The following SEPTIN2 variants were observed in gnomAD, a reference collection of about 807,000 sequenced individuals.
SEPTIN2 encodes the protein septin-2.
Under a neutral mutation model 46.5 loss-of-function variants are expected in SEPTIN2, and 34 were observed. That is an observed-to-expected ratio of 0.73 (90% confidence interval 0.56 to 0.97). The LOEUF is 0.97. Among genes scored for constraint, SEPTIN2 ranks in the 50% least tolerant of loss-of-function variants. The pLI is 0.00. For missense variants in SEPTIN2, 347 were observed against 448.4 expected, an observed-to-expected ratio of 0.77 and a Z score of 2.04; for synonymous variants, 175 against 153.4, an observed-to-expected ratio of 1.14 and a Z score of -1.04.
chr2:241,338,972 T>TATATTTATA (rs2080838050), intron 7 of SEPTIN2, among the ~76,000 whole-genome samples: 4 of 107,982 alleles, frequency 3.7e-5, no homozygotes, highest in East Asian at 2.4e-4. Context: ...ATTATAAATA[T>TATATTTATA]AATATATAAA....
At chr2:241,337,867 A>ACGCTCAGTCTGCTCAGGTGT (rs1439085915) in intron 7 of SEPTIN2, 77 bp downstream of exon 7, 38 of 997,764 alleles carry the variant, frequency 3.8e-5, no homozygotes, top group Admixed American at 1.4e-4. Context: ...GTGTGTTCCC[A>ACGCTCAGTCTGCTCAGGTGT]CGCTCAGTCT....
At chr2:241,329,473 C>G (rs2078615617) in intron 3 of SEPTIN2, among the ~76,000 whole-genome samples, 1 of 152,166 alleles carries the variant, frequency 6.6e-6, no homozygotes. Flanking sequence ...TTTTATTAAG[C>G]CAGCATTATC....
intron 3 of SEPTIN2, among the ~76,000 whole-genome samples, chr2:241,331,656 A>C (rs1390081841): frequency 6.6e-6 from 1 of 152,232 alleles, no homozygotes; most frequent in Admixed American, 6.5e-5. Flanking sequence ...CTCCCAAAGT[A>C]CAAGGATTAC....
chr2:241,319,267 A>T (rs1182403242), intron 1 of SEPTIN2, among the ~76,000 whole-genome samples: 1 of 152,240 alleles, frequency 6.6e-6, no homozygotes, highest in Non-Finnish European at 1.5e-5. Flanking sequence ...AGATATGTGT[A>T]GTGGAATATA....
At chr2:241,334,168 C>G (rs551836754) in intron 3 of SEPTIN2, among the ~76,000 whole-genome samples, 4 of 152,154 alleles carry the variant, frequency 2.6e-5, no homozygotes, top group African/African-American at 9.6e-5. Flanking sequence ...GCCACTATGC[C>G]CAGCCAGAAA....
rs542365489 is a variant in SEPTIN2, at chr2:241,341,408, G to A, written c.595-1584G>A. Among the ~76,000 whole-genome samples the A allele has an allele frequency of 1.1e-4, 17 of 152,132 alleles. No individual in the cohort carries two copies. The East Asian group carries it at 2.7e-3, about 24-fold the overall frequency. On this transcript the variant is annotated intron_variant, in intron 7 of 12. Coordinates refer to ENST00000391971, the MANE Select transcript of SEPTIN2 (RefSeq NM_004404.5). ...TTTAAATAGCTTACTAACTGTTTCC[G>A]AACTCTTCTCTCCTCCAAAGTGTAA...
chr2:241,335,251 A>G (rs529169450), intron 4 of SEPTIN2, 39 bp downstream of exon 4: 11 of 1,603,890 alleles, frequency 6.9e-6, no homozygotes, highest in African/African-American at 4.0e-5. Flanking sequence ...GTAATTCTAC[A>G]TGAAAGATGC....
intron 3 of SEPTIN2, among the ~76,000 whole-genome samples, chr2:241,330,985 C>T (rs79545131): frequency 0.011 from 1,653 of 152,342 alleles, 10 homozygotes; most frequent in Non-Finnish European, 0.018. Context: ...GCCCCCCCAA[C>T]ATGGTAAAAC....
rs867694516 is a variant in SEPTIN2, at chr2:241,348,079, G to T, written c.927-55G>T. 10 of 1,391,264 alleles carry T rather than the reference G, an allele frequency of 7.2e-6. No homozygotes were observed. In the East Asian group the frequency reaches 2.1e-4, roughly 29 times the overall value. 86.2% of individuals were successfully genotyped at this position (1,391,264 alleles called of 1,614,324 possible). ...TTTTAAAGTAGAATTTTTTGGGGGGGTAGCAAATAACTATTTGTTGCAGTG... is the reference window on the plus strand; with the variant it reads ...TTTTAAAGTAGAATTTTTTGGGGGGTTAGCAAATAACTATTTGTTGCAGTG... On this transcript the variant is annotated intron_variant, in intron 10 of 12. Transcript: ENST00000391971.
At chr2:241,335,297 G>A in intron 4 of SEPTIN2, 85 bp downstream of exon 4, 2 of 1,566,200 alleles carry the variant, frequency 1.3e-6, no homozygotes, top group Non-Finnish European at 1.7e-6. Context: ...TGTCTTAGCT[G>A]TGTGTTTTGT....
At chr2:241,324,355 A>G in intron 2 of SEPTIN2, 114 bp downstream of exon 2, 1 of 788,988 alleles carries the variant, frequency 1.3e-6, no homozygotes, top group Non-Finnish European at 2.1e-6. Flanking sequence ...GATACATTTG[A>G]TTCATTAACA....
At chr2:241,338,717 T>G (rs2080542912) in intron 7 of SEPTIN2, among the ~76,000 whole-genome samples, 1 of 73,268 alleles carries the variant, frequency 1.4e-5, no homozygotes, top group Non-Finnish European at 2.8e-5. Context: ...ATTATTTATA[T>G]AATATATTAT....
At chr2:241,335,390 A>G (rs1304846757) in intron 4 of SEPTIN2, 178 bp downstream of exon 4, 2 of 1,547,848 alleles carry the variant, frequency 1.3e-6, no homozygotes, top group Non-Finnish European at 1.7e-6. Flanking sequence ...TTTGGGTTGT[A>G]GACTTTCTTT....
At chr2:241,345,272 T>C (rs1424078936) in intron 9 of SEPTIN2, among the ~76,000 whole-genome samples, 2 of 152,246 alleles carry the variant, frequency 1.3e-5, no homozygotes, top group Non-Finnish European at 2.9e-5. Context: ...TAGCAATTTG[T>C]AGTGAGTTAA....
chr2:241,349,091 G>A (rs944823340), intron 11 of SEPTIN2, among the ~76,000 whole-genome samples: 18 of 152,166 alleles, frequency 1.2e-4, no homozygotes, highest in Admixed American at 6.5e-5. Flanking sequence ...CAGGCACTGT[G>A]GGTTACACTT....
chr2:241,337,820 C>T, intron 7 of SEPTIN2, 30 bp downstream of exon 7: 1 of 1,475,454 alleles, frequency 6.8e-7, no homozygotes, highest in Non-Finnish European at 9.5e-7. Flanking sequence ...TGCCCTCCCT[C>T]TGGGTGCGAC....
intron 11 of SEPTIN2, among the ~76,000 whole-genome samples, chr2:241,349,605 G>A (rs560556685): frequency 1.3e-5 from 2 of 152,108 alleles, no homozygotes; most frequent in African/African-American, 2.4e-5. Context: ...GGTGGATCAC[G>A]AGGTCAGGAG....
At chr2:241,323,501 G>A (rs1041547574) in intron 1 of SEPTIN2, among the ~76,000 whole-genome samples, 6 of 152,126 alleles carry the variant, frequency 3.9e-5, no homozygotes, top group Non-Finnish European at 7.4e-5. Context: ...CAAGTGGTCT[G>A]CCTACCTCGG....
intron 12 of SEPTIN2, among the ~76,000 whole-genome samples, 169 bp downstream of exon 12, chr2:241,350,372 T>G (rs2060674580): frequency 6.6e-6 from 1 of 152,222 alleles, no homozygotes; most frequent in African/African-American, 2.4e-5. Context: ...AGCCACTACT[T>G]TGCCACCTAC....
Sources: gnomAD v4.1 joint callset for allele counts (sites outside exome capture counted in the v4.1 genomes callset) on GRCh38, gnomAD v4.1.1 for gene constraint, MANE v1.5 for transcripts, NCBI Gene and HGNC (gene_info 2026-07-23, HGNC 2026-07-21) for gene names.